The following UNC13C variants were observed in gnomAD, a reference collection of about 807,000 sequenced individuals.
UNC13C encodes the protein protein unc-13 homolog C.
UNC13C carries 174 observed loss-of-function variants against 245.4 expected under a neutral mutation model. The ratio of observed to expected loss-of-function variants is 0.71; its 90% CI spans 0.63 to 0.80. UNC13C has a LOEUF of 0.80. Ranked by LOEUF, UNC13C falls within the 30% of genes least tolerant of loss-of-function variation. The pLI, the probability that UNC13C is intolerant of heterozygous loss-of-function variation, is 0.00. For synonymous variants in UNC13C, 992 were observed against 895.1 expected (o/e 1.11, Z -1.93); for missense variants, 2,829 against 2,602.9 (o/e 1.09, Z -1.89).
chr15:54,344,908 G>A (rs974603587), intron 17 of UNC13C, among the ~76,000 whole-genome samples: 5 of 151,842 alleles, frequency 3.3e-5, no homozygotes, highest in African/African-American at 4.8e-5. Flanking sequence ...AGCTCAATGT[G>A]TCTACCCCAT....
rs1444335595 is a variant in UNC13C at position 54,013,168 on chromosome 15, T to C, written c.265T>C (p.Ser89Pro). The C allele has an allele frequency of 2.5e-6, 4 of 1,613,696 alleles. No homozygotes were observed. The highest frequency in any genetic ancestry group is 1.7e-5 in the Admixed American group (1 of 59,902). The change falls in exon 2 of 33, where the codon TCA becomes CCA. Residue 89 changes from serine to proline, a missense_variant. By Grantham distance (74) the Ser-to-Pro change is moderately conservative. Transcript: ENST00000260323. ...CGAGGCCAGTAAAGAGTTTTCCCTC[T>C]CACCAACATTCAGTTACCGAGTAGC... Reference protein sequence around the residue: ...EDEASKEFSLSPTFSYRVAIA... With the variant: ...EDEASKEFSLPPTFSYRVAIA...
intron 2 of UNC13C, among the ~76,000 whole-genome samples, chr15:54,099,625 C>T (rs975913439): frequency 6.6e-6 from 1 of 152,132 alleles, no homozygotes; most frequent in African/African-American, 2.4e-5. Flanking sequence ...ATCTCACCAT[C>T]ACTGAATTCC....
chr15:54,060,629 A>G (rs1263040136), intron 2 of UNC13C, among the ~76,000 whole-genome samples: 2 of 152,202 alleles, frequency 1.3e-5, no homozygotes, highest in African/African-American at 4.8e-5. Flanking sequence ...TATATACCCA[A>G]AGGATTATAA....
chr15:54,379,755 G>A (rs948301805), intron 17 of UNC13C, among the ~76,000 whole-genome samples: 9 of 152,082 alleles, frequency 5.9e-5, no homozygotes, highest in Non-Finnish European at 1.2e-4. Flanking sequence ...GTGAATATTG[G>A]CCCCAATTCC....
intron 19 of UNC13C, among the ~76,000 whole-genome samples, chr15:54,459,930 A>G (rs533173662): frequency 6.6e-6 from 1 of 152,174 alleles, no homozygotes; most frequent in East Asian, 1.9e-4. Context: ...TGGATCCACT[A>G]CTGGAGAGCT....
At chr15:54,006,784 CACACGCTATT>C (rs1895155944) in intron 1 of UNC13C, among the ~76,000 whole-genome samples, 1 of 152,200 alleles carries the variant, frequency 6.6e-6, no homozygotes, top group African/African-American at 2.4e-5. Flanking sequence ...TGTGGCTCCT[CACACGCTATT>C]GGTGTATCTG....
chr15:54,015,467 A>G lies in UNC13C; in HGVS notation c.2564A>G (p.Glu855Gly), dbSNP rs1348717851. Reference protein sequence around the residue: ...STTLDSDVYTEPYYYKAEDEE... With the variant: ...STTLDSDVYTGPYYYKAEDEE... ...ACACTTGACTCTGATGTCTACACGG[A>G]GCCCTATTACTATAAAGCAGAGGAT... The change falls in exon 2 of 33, where the codon GAG becomes GGG. Residue 855 changes from glutamate (E) to glycine (G), a missense_variant. Coordinates refer to ENST00000260323, the MANE Select transcript of UNC13C (RefSeq NM_001080534.3). 1 of 1,613,572 alleles carries G rather than the reference A, an allele frequency of 6.2e-7. No individual in the cohort carries two copies. The highest frequency in any genetic ancestry group is 1.1e-5 in the South Asian group (1 of 91,054).
At chr15:54,154,949 A>G (rs1234191034) in intron 4 of UNC13C, among the ~76,000 whole-genome samples, 3 of 152,238 alleles carry the variant, frequency 2.0e-5, no homozygotes, top group Non-Finnish European at 4.4e-5. Context: ...CTACTGCTAG[A>G]GACTTTTAAA....
intron 29 of UNC13C, among the ~76,000 whole-genome samples, chr15:54,555,993 C>G (rs1460261957): frequency 1.3e-5 from 2 of 152,040 alleles, no homozygotes; most frequent in Non-Finnish European, 2.9e-5. Flanking sequence ...TCATTTTCTG[C>G]TGAATACCCA....
At chr15:54,192,247 C>T (rs2034209591) in intron 4 of UNC13C, among the ~76,000 whole-genome samples, 1 of 151,986 alleles carries the variant, frequency 6.6e-6, no homozygotes, top group South Asian at 2.1e-4. Flanking sequence ...AATATTCTTT[C>T]TTGTCATTTG....
chr15:53,921,401 G>A, the UNC13C span, among the ~76,000 whole-genome samples: 3 of 152,250 alleles, frequency 2.0e-5, no homozygotes, highest in African/African-American at 7.2e-5. Context: ...ATTCACATCT[G>A]TAACTTTATG....
chr15:54,617,072 A>T (rs1030379770), intron 30 of UNC13C, among the ~76,000 whole-genome samples: 8 of 152,106 alleles, frequency 5.3e-5, no homozygotes, highest in Admixed American at 3.3e-4. Context: ...TATACCACCT[A>T]GGTTTGTGTA....
In UNC13C at chr15:54,610,352, C is replaced by T. The variant is rs114201605; in HGVS notation, c.6107-11975C>T. Among the ~76,000 whole-genome samples, 291 of 152,078 alleles carry T rather than the reference C, an allele frequency of 1.9e-3. 3 individuals are homozygous for T. Among genetic ancestry groups the T allele is most frequent in the Non-Finnish European group, 3.0e-3 (207 of 67,990 alleles). On this transcript the variant is annotated intron_variant, in intron 30 of 32. Coordinates refer to ENST00000260323, the MANE Select transcript of UNC13C (RefSeq NM_001080534.3). ...CCGGGTTCAGCAATTCTCCTGTCTCCGCCTCCCTAGTATCTGGAATTACAG... is the reference window on the plus strand; with the variant it reads ...CCGGGTTCAGCAATTCTCCTGTCTCTGCCTCCCTAGTATCTGGAATTACAG...
the UNC13C span, among the ~76,000 whole-genome samples, chr15:53,868,035 A>G: frequency 6.6e-6 from 1 of 152,088 alleles, no homozygotes; most frequent in Admixed American, 6.5e-5. Context: ...GGGTCTACCT[A>G]TGTTGCCCAG....
intron 4 of UNC13C, among the ~76,000 whole-genome samples, chr15:54,155,953 G>A (rs2141258068): frequency 6.6e-6 from 1 of 152,234 alleles, no homozygotes; most frequent in Non-Finnish European, 1.5e-5. Context: ...AAATATGTTG[G>A]GAAATGTAAG....
the UNC13C span, among the ~76,000 whole-genome samples, chr15:53,951,391 C>T: frequency 4.6e-5 from 7 of 152,242 alleles, no homozygotes; most frequent in Non-Finnish European, 1.0e-4. Context: ...ATTTTTTGGG[C>T]TGCCCACTAT....
chr15:54,196,319 CT>C (rs2034352241), intron 4 of UNC13C, among the ~76,000 whole-genome samples: 1 of 151,542 alleles, frequency 6.6e-6, no homozygotes, highest in Admixed American at 6.6e-5. Flanking sequence ...AGATCTTCAG[CT>C]TTAGCAGCAT....
At chr15:54,006,192 G>A (rs1480239207) in intron 1 of UNC13C, among the ~76,000 whole-genome samples, 1 of 152,124 alleles carries the variant, frequency 6.6e-6, no homozygotes, top group Non-Finnish European at 1.5e-5. Context: ...AAGTGCTATG[G>A]AAATATTAGT....
intron 26 of UNC13C, among the ~76,000 whole-genome samples, chr15:54,538,857 C>A (rs554732222): frequency 6.6e-6 from 1 of 151,666 alleles, no homozygotes; most frequent in African/African-American, 2.4e-5. Flanking sequence ...GAGTGGAGGG[C>A]GGGAGGAGGG....
Sources: gnomAD v4.1 joint callset for allele counts (sites outside exome capture counted in the v4.1 genomes callset) on GRCh38, gnomAD v4.1.1 for gene constraint, MANE v1.5 for transcripts, NCBI Gene and HGNC (gene_info 2026-07-23, HGNC 2026-07-21) for gene names.